Variants in PTPN1 observed in about 807,000 individuals in gnomAD.
The protein encoded by PTPN1 is protein tyrosine phosphatase non-receptor type 1, also known as tyrosine-protein phosphatase non-receptor type 1.
A neutral mutation model predicts 59.9 loss-of-function variants in PTPN1; 12 were observed. That is an observed-to-expected ratio of 0.20 (90% CI 0.13 to 0.32). PTPN1 has a LOEUF of 0.32. Among genes scored for constraint, PTPN1 ranks in the 10% least tolerant of loss-of-function variants. The pLI is 1.00. For synonymous variants in PTPN1, 178 were observed against 203.6 expected (o/e 0.87, Z 1.07); for missense variants, 356 against 549.2 (o/e 0.65, Z 3.52).
At chr20:50,558,586 C>A (rs1341259336) in intron 1 of PTPN1, among the ~76,000 whole-genome samples, 1 of 152,140 alleles carries the variant, frequency 6.6e-6, no homozygotes, top group East Asian at 1.9e-4. Context: ...TTCCATTCTC[C>A]ATGTATCTGG....
intron 1 of PTPN1, among the ~76,000 whole-genome samples, chr20:50,534,996 C>A (rs544216348): frequency 1.3e-5 from 2 of 152,388 alleles, no homozygotes; most frequent in East Asian, 3.9e-4. Flanking sequence ...GGTCCTCCTG[C>A]ATTGGCCTCC....
At chr20:50,527,747 C>G (rs1312929904) in intron 1 of PTPN1, among the ~76,000 whole-genome samples, 2 of 152,130 alleles carry the variant, frequency 1.3e-5, no homozygotes, top group Non-Finnish European at 2.9e-5. Flanking sequence ...GTGTGGTAGA[C>G]CTGTATTTGC....
At chr20:50,544,685 A>G (rs2082667174) in intron 1 of PTPN1, among the ~76,000 whole-genome samples, 1 of 152,194 alleles carries the variant, frequency 6.6e-6, no homozygotes. Flanking sequence ...GGGACGTCCG[A>G]GAGACTGCAA....
chr20:50,523,840 T>C (rs1023165603), intron 1 of PTPN1, among the ~76,000 whole-genome samples: 21 of 152,114 alleles, frequency 1.4e-4, no homozygotes, highest in Admixed American at 1.3e-3. Context: ...AAAGGTAATA[T>C]CTAGTTGAAG....
intron 1 of PTPN1, among the ~76,000 whole-genome samples, chr20:50,538,220 A>T (rs1170520725): frequency 8.3e-6 from 1 of 120,044 alleles, no homozygotes; most frequent in African/African-American, 3.9e-5. Flanking sequence ...GTGTTGTAAA[A>T]AGTTAAAAAA....
rs755385061 is a variant in PTPN1 at position 50,581,472 on chromosome 20, C to T, written c.1284+12C>T. 1.3e-6 allele frequency: 2 copies of T among 1,589,668 alleles called. No individual in the cohort carries two copies. The highest frequency in any genetic ancestry group is 1.1e-5 in the South Asian group (1 of 90,128). On this transcript the variant is annotated intron_variant, in intron 9 of 9. Coordinates refer to ENST00000371621, the MANE Select transcript of PTPN1 (RefSeq NM_002827.4). ...ACCTCTGCTACAGGGTATGTTTCCA[C>T]TGACAGACGCGCTGGCGAGATGCTC... is the stretch of plus-strand genomic sequence containing the variant.
intron 1 of PTPN1, among the ~76,000 whole-genome samples, chr20:50,515,548 T>C (rs1366745837): frequency 1.3e-5 from 2 of 152,202 alleles, no homozygotes; most frequent in African/African-American, 2.4e-5. Context: ...TGCCTTGGCC[T>C]CCCAGAGTGC....
At position 50,534,000 on chromosome 20, in the gene PTPN1, G is replaced by A. The variant is rs190756714; in HGVS notation, c.63+23410G>A. ...GGCTAAAGTGCAATGGCGCGATCTC[G>A]GCTCACTGCAACCTCCGCCTCCCGA... On this transcript the variant is annotated intron_variant, in intron 1 of 9. Coordinates refer to ENST00000371621, the MANE Select transcript of PTPN1 (RefSeq NM_002827.4). Among the ~76,000 whole-genome samples the A allele has an allele frequency of 5.0e-3, 756 of 152,204 alleles. 2 individuals carry two copies. The highest frequency in any genetic ancestry group is 7.7e-3 in the Non-Finnish European group (521 of 67,996).
chr20:50,551,547 G>A (rs757604404), intron 1 of PTPN1, among the ~76,000 whole-genome samples: 1 of 152,176 alleles, frequency 6.6e-6, no homozygotes, highest in Non-Finnish European at 1.5e-5. Flanking sequence ...ATGATCAGGC[G>A]TGCACTCTGG....
chr20:50,557,793 C>A (rs898470848), intron 1 of PTPN1: 2 of 152,248 alleles, frequency 1.3e-5, no homozygotes, highest in African/African-American at 4.8e-5. Context: ...CCAACCTGGA[C>A]CAGTTCACCC....
intron 8 of PTPN1, among the ~76,000 whole-genome samples, chr20:50,580,380 T>C (rs2082861275): frequency 1.3e-5 from 2 of 152,206 alleles, no homozygotes; most frequent in South Asian, 2.1e-4. Context: ...TTAACAACCA[T>C]TATTGAGTAC....
At chr20:50,563,655 T>C (rs191198043) in intron 2 of PTPN1, among the ~76,000 whole-genome samples, 56 of 152,346 alleles carry the variant, frequency 3.7e-4, no homozygotes, top group African/African-American at 1.3e-3. Flanking sequence ...ACATCTCTCT[T>C]TGGAATTCTT....
At chr20:50,515,264 TTCATTCCTCTATACCA>T (rs2122717021) in intron 1 of PTPN1, among the ~76,000 whole-genome samples, 1 of 152,306 alleles carries the variant, frequency 6.6e-6, no homozygotes, top group East Asian at 1.9e-4. Context: ...ATCCTCGCCC[TTCATTCCTCTATACCA>T]TTGCTGAGCA....
At chr20:50,556,849 G>T (rs2082728028) in intron 1 of PTPN1, among the ~76,000 whole-genome samples, 1 of 152,188 alleles carries the variant, frequency 6.6e-6, no homozygotes, top group Admixed American at 6.5e-5. Context: ...GGAGGCTGAG[G>T]CAGGAGAATT....
chr20:50,534,752 G>T lies in PTPN1; in HGVS notation c.63+24162G>T, dbSNP rs139939834. Among the ~76,000 whole-genome samples the T allele has an allele frequency of 3.0e-3, 452 of 151,992 alleles. 4 individuals carry two copies. Among genetic ancestry groups the T allele is most frequent in the East Asian group, 8.5e-3 (44 of 5,180 alleles). ...ATCCTTTTTTTTTTAAAGAGATGCAGTCTTGCTTTGTCACCCAGGCTGGAG... is the reference window on the plus strand; with the variant it reads ...ATCCTTTTTTTTTTAAAGAGATGCATTCTTGCTTTGTCACCCAGGCTGGAG... On this transcript the variant is annotated intron_variant, in intron 1 of 9. Coordinates refer to ENST00000371621, the MANE Select transcript of PTPN1 (RefSeq NM_002827.4).
chr20:50,518,350 C>A (rs1362874430), intron 1 of PTPN1, among the ~76,000 whole-genome samples: 4 of 152,218 alleles, frequency 2.6e-5, no homozygotes, highest in East Asian at 3.8e-4. Flanking sequence ...AATATAACTT[C>A]ACTCAAGAGA....
intron 1 of PTPN1, among the ~76,000 whole-genome samples, chr20:50,512,256 T>C (rs2082510831): frequency 6.6e-6 from 1 of 152,160 alleles, no homozygotes; most frequent in South Asian, 2.1e-4. Flanking sequence ...TAAATGAAAA[T>C]TGTTGGTCTG....
chr20:50,525,920 G>T (rs1364869614), intron 1 of PTPN1, among the ~76,000 whole-genome samples: 1 of 152,098 alleles, frequency 6.6e-6, no homozygotes, highest in East Asian at 1.9e-4. Context: ...TGTCGCAGGG[G>T]GAGGCAGCAG....
At chr20:50,547,494 G>A (rs952173674) in intron 1 of PTPN1, among the ~76,000 whole-genome samples, 4 of 151,974 alleles carry the variant, frequency 2.6e-5, no homozygotes, top group Admixed American at 2.6e-4. Flanking sequence ...CTCCCGAGTA[G>A]CTGGGATTAT....
Sources: gnomAD v4.1 joint callset for allele counts (sites outside exome capture counted in the v4.1 genomes callset) on GRCh38, gnomAD v4.1.1 for gene constraint, MANE v1.5 for transcripts, NCBI Gene and HGNC (gene_info 2026-07-23, HGNC 2026-07-21) for gene names.